The following BMERB1 variants were observed in gnomAD, a reference collection of about 807,000 sequenced individuals.
BMERB1 encodes the protein bMERB domain-containing protein 1.
In BMERB1, 12 loss-of-function variants were observed where a neutral mutation model predicts 23.6. The observed-to-expected ratio is 0.51, with a 90% CI of 0.33 to 0.82. BMERB1 has a LOEUF of 0.82. Ranked by LOEUF, BMERB1 falls within the 40% of genes least tolerant of loss-of-function variation. The pLI is 0.03. For synonymous variants in BMERB1, 122 were observed against 96.6 expected, an observed-to-expected ratio of 1.26 and a Z score of -1.54; for missense variants, 247 against 255.4, an observed-to-expected ratio of 0.97 and a Z score of 0.22.
chr16:15,473,093 C>T (rs1377461659), intron 1 of BMERB1, among the ~76,000 whole-genome samples: 1 of 152,088 alleles, frequency 6.6e-6, no homozygotes, highest in Non-Finnish European at 1.5e-5. Flanking sequence ...CTCCTGACCT[C>T]AGGTCATCCA....
chr16:15,493,970 C>G (rs1277943816), intron 1 of BMERB1, among the ~76,000 whole-genome samples: 1 of 152,190 alleles, frequency 6.6e-6, no homozygotes, highest in Non-Finnish European at 1.5e-5. Context: ...GCTCCTCTAA[C>G]CATCCTTGCG....
At position 15,444,274 on chromosome 16, in the gene BMERB1, G is replaced by T. The variant is rs569442305; in HGVS notation, c.106+9515G>T. ...CCCTCTTTTAGTACTTCACTCACAA[G>T]TTCCCCCAAAAGATAGAATCAATTC... On this transcript the variant is annotated intron_variant, in intron 1 of 5. Transcript: ENST00000300006. Among the ~76,000 whole-genome samples, 5 of 151,526 alleles carry T rather than the reference G, an allele frequency of 3.3e-5. No homozygotes were observed. The South Asian group carries it at 1.0e-3, about 32-fold the overall frequency.
chr16:15,454,255 T>C (rs998066430), intron 1 of BMERB1, among the ~76,000 whole-genome samples: 2 of 152,182 alleles, frequency 1.3e-5, no homozygotes, highest in African/African-American at 4.8e-5. Context: ...GTCACGAGAA[T>C]AGGATGTAAC....
At chr16:15,502,118 A>T (rs1036963545) in intron 1 of BMERB1, 6 of 642,940 alleles carry the variant, frequency 9.3e-6, no homozygotes, top group Non-Finnish European at 1.4e-5. Flanking sequence ...CCATCTACTC[A>T]TGTCTGCTTG....
intron 2 of BMERB1, among the ~76,000 whole-genome samples, chr16:15,554,006 G>A (rs967347830): frequency 1.1e-4 from 17 of 151,984 alleles, no homozygotes; most frequent in Non-Finnish European, 2.4e-4. Flanking sequence ...TGTCCTAATT[G>A]GGCAGACTCT....
intron 2 of BMERB1, among the ~76,000 whole-genome samples, chr16:15,520,310 C>T (rs2051835019): frequency 6.6e-6 from 1 of 151,980 alleles, no homozygotes; most frequent in African/African-American, 2.4e-5. Flanking sequence ...TACTCTTTTA[C>T]AACGCAAGGA....
chr16:15,528,802 G>A (rs549969101), intron 2 of BMERB1, among the ~76,000 whole-genome samples: 2 of 152,162 alleles, frequency 1.3e-5, no homozygotes, highest in Admixed American at 1.3e-4. Flanking sequence ...TCAAGAGGTG[G>A]GGCTTTCAGG....
At chr16:15,535,309 C>A (rs1460770442) in intron 2 of BMERB1, among the ~76,000 whole-genome samples, 1 of 151,992 alleles carries the variant, frequency 6.6e-6, no homozygotes, top group South Asian at 2.1e-4. Flanking sequence ...TATGCTTGTG[C>A]CACTGCACTC....
intron 1 of BMERB1, among the ~76,000 whole-genome samples, chr16:15,439,811 C>T (rs955556884): frequency 3.3e-5 from 5 of 152,094 alleles, no homozygotes; most frequent in Non-Finnish European, 5.9e-5. Flanking sequence ...TTTGAAAAAG[C>T]GCAGAGCTTT....
chr16:15,550,187 G>T (rs894737920), intron 2 of BMERB1, among the ~76,000 whole-genome samples: 1 of 152,096 alleles, frequency 6.6e-6, no homozygotes, highest in Non-Finnish European at 1.5e-5. Flanking sequence ...GATCCACCCC[G>T]CCTCGGCCTC....
chr16:15,511,663 C>T (rs370821840), intron 1 of BMERB1, among the ~76,000 whole-genome samples: 27 of 152,106 alleles, frequency 1.8e-4, no homozygotes, highest in Non-Finnish European at 3.7e-4. Flanking sequence ...TTTTCCTCTC[C>T]CCATATAATT....
At chr16:15,439,143 T>G (rs1167542977) in intron 1 of BMERB1, among the ~76,000 whole-genome samples, 1 of 152,174 alleles carries the variant, frequency 6.6e-6, no homozygotes, top group Non-Finnish European at 1.5e-5. Context: ...AACTATAGTT[T>G]TTAGATAAAA....
chr16:15,455,111 G>C (rs902508964), intron 1 of BMERB1, among the ~76,000 whole-genome samples: 1 of 152,030 alleles, frequency 6.6e-6, no homozygotes, highest in Non-Finnish European at 1.5e-5. Flanking sequence ...AGAGGCAGGT[G>C]ACCTGAGGTC....
At chr16:15,530,925 G>C (rs1489021076) in intron 2 of BMERB1, among the ~76,000 whole-genome samples, 32 of 32,948 alleles carry the variant, frequency 9.7e-4, no homozygotes, top group African/African-American at 3.8e-3. Context: ...TTTTTTTTTT[G>C]AGACGGAGTC....
chr16:15,501,869 C>T (rs2051533633), intron 1 of BMERB1, among the ~76,000 whole-genome samples: 1 of 152,088 alleles, frequency 6.6e-6, no homozygotes, highest in African/African-American at 2.4e-5. Context: ...ATGCCCACCA[C>T]CCTTGGCCTC....
chr16:15,559,739 G>C lies in BMERB1; in HGVS notation c.231-8244G>C, dbSNP rs1175143063. Among the ~76,000 whole-genome samples the C allele has an allele frequency of 2.6e-5, 4 of 152,152 alleles. No homozygotes were observed. In the East Asian group the frequency reaches 7.7e-4, roughly 29 times the overall value. ...TGGACAGCTTGGGGTCGGGGGACAA[G>C]CTTCTTTCTTGGAAGGATGTTCAAA... On this transcript the variant is annotated intron_variant, in intron 2 of 5. Coordinates refer to ENST00000300006, the MANE Select transcript of BMERB1 (RefSeq NM_033201.3).
At position 15,587,569 on chromosome 16, in the gene BMERB1, C is replaced by T. The variant is rs562421597; in HGVS notation, c.*740C>T. On this transcript the variant is annotated 3_prime_UTR_variant, in exon 6 of 6. Coordinates refer to ENST00000300006, the MANE Select transcript of BMERB1 (RefSeq NM_033201.3). ...GTGTGCAGAAGAGCCAGCAGGGAAC[C>T]GGAAGCTCTGATGTCAAGGCCAGAG... 3.5e-4 allele frequency: 160 copies of T among 452,252 alleles called. No individual in the cohort carries two copies. Among genetic ancestry groups the T allele is most frequent in the Admixed American group, 7.1e-4 (30 of 42,354 alleles). The allele number at this position is 452,252 out of a possible 1,614,324, so 28.0% of individuals were successfully genotyped here. A position where few individuals can be genotyped will look rare whatever the true frequency, so the allele number is the denominator to read the frequency against.
At chr16:15,552,289 A>T (rs1461362625) in intron 2 of BMERB1, among the ~76,000 whole-genome samples, 1 of 151,990 alleles carries the variant, frequency 6.6e-6, no homozygotes, top group Non-Finnish European at 1.5e-5. Flanking sequence ...AAAATACAAA[A>T]ATTAGCAGGG....
At chr16:15,473,425 G>T (rs568093772) in intron 1 of BMERB1, among the ~76,000 whole-genome samples, 1 of 151,308 alleles carries the variant, frequency 6.6e-6, no homozygotes, top group Non-Finnish European at 1.5e-5. Flanking sequence ...TGAGTAGCTG[G>T]GATTATATAG....
Sources: allele counts gnomAD v4.1 joint callset (sites outside exome capture counted in the v4.1 genomes callset), GRCh38; gene constraint gnomAD v4.1.1; transcripts MANE v1.5; gene names NCBI Gene and HGNC (gene_info 2026-07-23, HGNC 2026-07-21).